Variants in CBLB observed in about 807,000 individuals in gnomAD.
The protein encoded by CBLB is Cbl proto-oncogene B, also known as E3 ubiquitin-protein ligase CBL-B.
CBLB carries 31 observed loss-of-function variants against 104.9 expected under a neutral mutation model. The ratio of observed to expected loss-of-function variants is 0.30; its 90% CI spans 0.22 to 0.40. The LOEUF (loss-of-function observed/expected upper bound fraction) is 0.40, where lower values mean the gene tolerates loss of function less well. Ranked by LOEUF, CBLB falls within the 10% of genes least tolerant of loss-of-function variation. The pLI is 1.00. For missense variants in CBLB, 1,062 were observed against 1,214.6 expected (o/e 0.87, Z 1.87); for synonymous variants, 440 against 422.6 (o/e 1.04, Z -0.51).
At chr3:105,775,430 T>TA (rs906222808) in intron 4 of CBLB, among the ~76,000 whole-genome samples, 1 of 152,098 alleles carries the variant, frequency 6.6e-6, no homozygotes, top group African/African-American at 2.4e-5. Flanking sequence ...ATCAAAGTAC[T>TA]AAAAAAAGTG....
At chr3:105,810,745 G>C (rs1172162959) in intron 3 of CBLB, among the ~76,000 whole-genome samples, 1 of 152,008 alleles carries the variant, frequency 6.6e-6, no homozygotes, top group South Asian at 2.1e-4. Flanking sequence ...AAATTAGTTT[G>C]ATTTTTAAAA....
At chr3:105,668,051 CAT>C (rs1336996938) in intron 18 of CBLB, among the ~76,000 whole-genome samples, 1 of 152,064 alleles carries the variant, frequency 6.6e-6, no homozygotes, top group Non-Finnish European at 1.5e-5. Context: ...TGTGAACAAA[CAT>C]ATGTTGGAAA....
chr3:105,693,383 C>T, intron 13 of CBLB, 111 bp downstream of exon 13: 2 of 713,380 alleles, frequency 2.8e-6, no homozygotes, highest in South Asian at 3.1e-5. Context: ...TGGCTGTTTA[C>T]TATCAATGAC....
Position 105,764,998 on chromosome 3 carries a change from C to G in CBLB, c.566+11398G>C, listed in dbSNP as rs141386694. ...GAAGCTTCAGAAGTAAAGTTTGAAACTAGCAGAAATTTGTTTATGGGGTTT... is the reference window on the plus strand; with the variant it reads ...GAAGCTTCAGAAGTAAAGTTTGAAAGTAGCAGAAATTTGTTTATGGGGTTT... On this transcript the variant is annotated intron_variant, in intron 4 of 18. Transcript: ENST00000394030. 4.4e-3 allele frequency among the ~76,000 whole-genome samples: 675 copies of G among 152,266 alleles called. 2 individuals are homozygous for G. The highest frequency in any genetic ancestry group is 6.9e-3 in the Non-Finnish European group (471 of 68,016).
intron 2 of CBLB, among the ~76,000 whole-genome samples, chr3:105,859,205 T>A (rs926788910): frequency 6.6e-6 from 1 of 152,198 alleles, no homozygotes; most frequent in African/African-American, 2.4e-5. Flanking sequence ...AGGAAAGAAC[T>A]CTTACCAAAT....
intron 9 of CBLB, among the ~76,000 whole-genome samples, 190 bp from the exon 10 acceptor site, chr3:105,720,440 C>G (rs545845758): frequency 1.3e-5 from 2 of 152,176 alleles, no homozygotes; most frequent in Admixed American, 1.3e-4. Flanking sequence ...AATAAATGGT[C>G]AGTATCTTCA....
At chr3:105,814,869 G>A (rs16851630) in intron 3 of CBLB, among the ~76,000 whole-genome samples, 17,501 of 151,148 alleles carry the variant, frequency 0.12, 1,232 homozygotes, top group East Asian at 0.4. Context: ...TCACCTCCCA[G>A]ATATGGTCCC....
intron 13 of CBLB, among the ~76,000 whole-genome samples, chr3:105,686,252 G>C (rs770225043): frequency 6.6e-6 from 1 of 152,034 alleles, no homozygotes; most frequent in African/African-American, 2.4e-5. Flanking sequence ...AATGTTTTTC[G>C]TAACTGTTGC....
intron 3 of CBLB, among the ~76,000 whole-genome samples, chr3:105,809,752 T>C (rs1364672528): frequency 6.6e-6 from 1 of 152,174 alleles, no homozygotes; most frequent in Non-Finnish European, 1.5e-5. Context: ...GTTATCTACT[T>C]TCTCAAACAG....
At chr3:105,745,046 A>C (rs1369874375) in intron 6 of CBLB, among the ~76,000 whole-genome samples, 1 of 152,222 alleles carries the variant, frequency 6.6e-6, no homozygotes, top group African/African-American at 2.4e-5. Context: ...CCAGCACCAA[A>C]TTCATCCCTA....
intron 3 of CBLB, among the ~76,000 whole-genome samples, chr3:105,782,481 C>T (rs969506590): frequency 6.6e-5 from 10 of 152,186 alleles, no homozygotes; most frequent in African/African-American, 2.2e-4. Flanking sequence ...AACACCTCAT[C>T]CACCACTAGC....
chr3:105,746,158 C>T (rs1254350352), intron 5 of CBLB, 120 bp from the exon 6 acceptor site: 6 of 715,190 alleles, frequency 8.4e-6, no homozygotes, highest in Non-Finnish European at 1.4e-5. Context: ...GTTAATCTGA[C>T]CTTATGTGGT....
chr3:105,769,536 G>T (rs1052059354), intron 4 of CBLB, among the ~76,000 whole-genome samples: 2 of 152,120 alleles, frequency 1.3e-5, no homozygotes, highest in Admixed American at 6.5e-5. Context: ...ATCCATTAGG[G>T]TACTAAAGTA....
intron 14 of CBLB, 137 bp from the exon 15 acceptor site, chr3:105,681,955 G>C: frequency 1.6e-6 from 1 of 639,456 alleles, no homozygotes; most frequent in Non-Finnish European, 2.8e-6. Context: ...AAAATTACCA[G>C]TAATAACATC....
rs186648605 is a variant in CBLB, at chr3:105,700,029, T to C, written c.1959+2065A>G. Among the ~76,000 whole-genome samples the C allele has an allele frequency of 5.3e-3, 800 of 152,178 alleles. 7 individuals carry two copies. The highest frequency in any genetic ancestry group is 8.4e-3 in the Non-Finnish European group (568 of 67,954). On this transcript the variant is annotated intron_variant, in intron 12 of 18. Coordinates refer to ENST00000394030, the MANE Select transcript of CBLB (RefSeq NM_170662.5). ...TTCAGCTTTCAATAAGAGATAAAAT[T>C]TTCACTCAGTGTTCTCTATTATACT...
At chr3:105,767,976 T>C (rs551370744) in intron 4 of CBLB, among the ~76,000 whole-genome samples, 27 of 151,866 alleles carry the variant, frequency 1.8e-4, no homozygotes, top group Non-Finnish European at 1.5e-5. Flanking sequence ...GCAGGCTCCA[T>C]CTCACACATA....
intron 3 of CBLB, among the ~76,000 whole-genome samples, chr3:105,807,593 A>AT (rs1303290432): frequency 1.8e-4 from 27 of 152,280 alleles, no homozygotes; most frequent in African/African-American, 6.5e-4. Flanking sequence ...GGATATAATC[A>AT]TACATTTTTA....
At chr3:105,855,570 T>C (rs2091496611) in intron 2 of CBLB, among the ~76,000 whole-genome samples, 1 of 152,216 alleles carries the variant, frequency 6.6e-6, no homozygotes, top group African/African-American at 2.4e-5. Context: ...AAAAGATGGT[T>C]TTAGAAATAC....
At chr3:105,743,783 TAC>T (rs1200524140) in intron 6 of CBLB, among the ~76,000 whole-genome samples, 3 of 150,166 alleles carry the variant, frequency 2.0e-5, no homozygotes, top group African/African-American at 4.9e-5. Flanking sequence ...AAATATTTGT[TAC>T]AGTTTTTTTT....
Sources: gnomAD v4.1 joint callset for allele counts (sites outside exome capture counted in the v4.1 genomes callset) on GRCh38, gnomAD v4.1.1 for gene constraint, MANE v1.5 for transcripts, NCBI Gene and HGNC (gene_info 2026-07-23, HGNC 2026-07-21) for gene names.